MOXD1: variants seen among roughly 807,000 people sequenced by gnomAD.
MOXD1 encodes DBH-like monooxygenase protein 1.
A neutral mutation model predicts 66.6 loss-of-function variants in MOXD1; 62 were observed. The ratio of observed to expected loss-of-function variants is 0.93; its 90% CI spans 0.76 to 1.15. The LOEUF (loss-of-function observed/expected upper bound fraction) is 1.15. Ranked by LOEUF, MOXD1 falls within the 50% of genes most tolerant of loss-of-function variation. The pLI is 0.00. For missense variants in MOXD1, 847 were observed against 754.6 expected (o/e 1.12, Z -1.44); for synonymous variants, 303 against 281.9 (o/e 1.07, Z -0.75).
At chr6:132,303,667 C>T (rs1774598005) in intron 10 of MOXD1, among the ~76,000 whole-genome samples, 1 of 146,122 alleles carries the variant, frequency 6.8e-6, no homozygotes, top group African/African-American at 2.6e-5. Context: ...ATGCAGAATC[C>T]ATGTTCTGCA....
rs956018890 is a variant in MOXD1 at position 132,335,017 on chromosome 6, C to G, written c.664-6423G>C. Among the ~76,000 whole-genome samples the G allele has an allele frequency of 2.6e-5, 4 of 152,004 alleles. No individual in the cohort carries two copies. In the East Asian group the frequency reaches 7.7e-4, roughly 29 times the overall value. ...TTGCAGAATTCCCTAGAACTTAGAA[C>G]GAAGAAAATGTTTCAGAATTTGAGG... is the stretch of plus-strand genomic sequence containing the variant. On this transcript the variant is annotated intron_variant, in intron 4 of 11. Transcript: ENST00000367963.
chr6:132,297,027 G>A lies in MOXD1; in HGVS notation c.*126C>T. The A allele has an allele frequency of 1.1e-6, 1 of 886,142 alleles. No homozygotes were observed. The highest frequency in any genetic ancestry group is 1.7e-6 in the Non-Finnish European group (1 of 587,962). 54.9% of individuals were successfully genotyped at this position (886,142 alleles called of 1,614,324 possible). A position where few individuals can be genotyped will look rare whatever the true frequency, so the allele number is the denominator to read the frequency against. On this transcript the variant is annotated 3_prime_UTR_variant, in exon 12 of 12. Coordinates refer to ENST00000367963, the MANE Select transcript of MOXD1 (RefSeq NM_015529.4). ...CATGTAACATGGAAAGGAAAAAGGA[G>A]GGAGGGAAAATGGGGAAGAAAAGTC...
intron 2 of MOXD1, among the ~76,000 whole-genome samples, 176 bp from the exon 3 acceptor site, chr6:132,373,173 A>G (rs183890809): frequency 4.6e-5 from 7 of 152,360 alleles, no homozygotes; most frequent in Admixed American, 4.6e-4. Context: ...TTAAGTCATT[A>G]AGGATCCAAA....
intron 4 of MOXD1, among the ~76,000 whole-genome samples, chr6:132,345,766 C>G (rs1198735829): frequency 6.6e-6 from 1 of 151,504 alleles, no homozygotes; most frequent in Non-Finnish European, 1.5e-5. Context: ...TTCTGTAAAC[C>G]CAATTATATC....
At chr6:132,313,394 G>T (rs1562279040) in intron 10 of MOXD1, among the ~76,000 whole-genome samples, 1 of 152,008 alleles carries the variant, frequency 6.6e-6, no homozygotes, top group Non-Finnish European at 1.5e-5. Context: ...TTAGATATAG[G>T]CATTTCTTCT....
chr6:132,332,050 C>T (rs1408873142), intron 4 of MOXD1, among the ~76,000 whole-genome samples: 1 of 152,166 alleles, frequency 6.6e-6, no homozygotes, highest in African/African-American at 2.4e-5. Flanking sequence ...GGGCTCATGG[C>T]CTCCCTGCCA....
rs138725187 is a variant in MOXD1, at chr6:132,334,662, T to G, written c.664-6068A>C. Among the ~76,000 whole-genome samples, 678 of 152,332 alleles carry G rather than the reference T, an allele frequency of 4.5e-3. 5 individuals are homozygous for G. The highest frequency in any genetic ancestry group is 0.024 in the Middle Eastern group (7 of 294). On this transcript the variant is annotated intron_variant, in intron 4 of 11. Coordinates refer to ENST00000367963, the MANE Select transcript of MOXD1 (RefSeq NM_015529.4). The stretch of plus-strand genomic sequence containing the variant: ...CTATCCTAAAACCTTTCCCAATTTA[T>G]GCACACCTCCTAATCAGCTCTCAGC...
chr6:132,317,636 G>A (rs578222111), intron 9 of MOXD1, among the ~76,000 whole-genome samples: 1 of 152,130 alleles, frequency 6.6e-6, no homozygotes, highest in South Asian at 2.1e-4. Flanking sequence ...CCTGAAGAGG[G>A]TATCAAGACA....
chr6:132,392,182 T>C, intron 1 of MOXD1: 1 of 1,571,384 alleles, frequency 6.4e-7, no homozygotes, highest in Admixed American at 1.9e-5. Context: ...TGCTCACTGT[T>C]TTCTGTGATT....
chr6:132,351,971 C>T (rs1046782286), intron 4 of MOXD1, among the ~76,000 whole-genome samples: 1 of 152,104 alleles, frequency 6.6e-6, no homozygotes, highest in Non-Finnish European at 1.5e-5. Context: ...TTATCAGTTG[C>T]AATATCTCCC....
chr6:132,312,756 T>C (rs747342287), intron 10 of MOXD1, among the ~76,000 whole-genome samples: 26 of 151,820 alleles, frequency 1.7e-4, no homozygotes, highest in Non-Finnish European at 3.2e-4. Context: ...GTGGAGCTCA[T>C]TGGGAAACAG....
intron 10 of MOXD1, among the ~76,000 whole-genome samples, chr6:132,314,282 GAATGTGTCTCATC>G (rs1774894093): frequency 6.6e-6 from 1 of 152,190 alleles, no homozygotes; most frequent in African/African-American, 2.4e-5. Flanking sequence ...AACCTGAATG[GAATGTGTCTCATC>G]AACTTGGTGT....
intron 1 of MOXD1, among the ~76,000 whole-genome samples, chr6:132,377,773 A>C (rs1015978420): frequency 7.2e-5 from 11 of 152,224 alleles, no homozygotes; most frequent in African/African-American, 2.7e-4. Flanking sequence ...ATATGGTTGG[A>C]TCTTATTTGA....
rs1776515258 is a variant in MOXD1 at position 132,381,612 on chromosome 6, T to A, written c.265-6835A>T. Among the ~76,000 whole-genome samples, 5 of 152,242 alleles carry A rather than the reference T, an allele frequency of 3.3e-5. No individual in the cohort carries two copies. The South Asian group carries it at 8.3e-4, about 25-fold the overall frequency. On this transcript the variant is annotated intron_variant, in intron 1 of 11. Transcript: ENST00000367963. ...AAACCATCAGTCTTGAGATTCAGAT[T>A]GGTTAAACTGAAAAAAAGTGTTAAA...
chr6:132,297,067 G>T lies in MOXD1; in HGVS notation c.*86C>A. On this transcript the variant is annotated 3_prime_UTR_variant, in exon 12 of 12. Coordinates refer to ENST00000367963, the MANE Select transcript of MOXD1 (RefSeq NM_015529.4). ...GAAGAAAAGTCTCCACACTCTTCAT[G>T]CCCAAAGTGGACACAGTCTTTAACC... 2.8e-6 allele frequency: 4 copies of T among 1,410,908 alleles called. No homozygotes were observed. The highest frequency in any genetic ancestry group is 3.9e-6 in the Non-Finnish European group (4 of 1,031,852). The allele number at this position is 1,410,908 out of a possible 1,614,324, so 87.4% of individuals were successfully genotyped here.
At chr6:132,386,510 C>A (rs1309324838) in intron 1 of MOXD1, among the ~76,000 whole-genome samples, 1 of 149,944 alleles carries the variant, frequency 6.7e-6, no homozygotes, top group Non-Finnish European at 1.5e-5. Context: ...TGATTCAATG[C>A]ATATCTATCC....
At chr6:132,306,679 C>T (rs1300760741) in intron 10 of MOXD1, among the ~76,000 whole-genome samples, 1 of 152,156 alleles carries the variant, frequency 6.6e-6, no homozygotes. Context: ...AGAAACTCTA[C>T]AAGCCAGAAG....
intron 10 of MOXD1, among the ~76,000 whole-genome samples, chr6:132,304,992 C>G (rs1189418687): frequency 6.6e-6 from 1 of 152,184 alleles, no homozygotes; most frequent in South Asian, 2.1e-4. Flanking sequence ...TCTGCTTAAG[C>G]CTACCAAACT....
At chr6:132,341,376 G>A (rs666893) in intron 4 of MOXD1, among the ~76,000 whole-genome samples, 97,030 of 152,042 alleles carry the variant, frequency 0.64, 33,509 homozygotes, top group African/African-American at 0.91. Context: ...TAAGAAATAC[G>A]TTTGTGTTCT....
Sources: gnomAD v4.1 joint callset for allele counts (sites outside exome capture counted in the v4.1 genomes callset) on GRCh38, gnomAD v4.1.1 for gene constraint, MANE v1.5 for transcripts, NCBI Gene and HGNC (gene_info 2026-07-23, HGNC 2026-07-21) for gene names.